The following E2F5 variants were observed in gnomAD, a reference collection of about 807,000 sequenced individuals.
E2F5 encodes E2F transcription factor 5.
In E2F5, 23 loss-of-function variants were observed where a neutral mutation model predicts 39.1. That is an observed-to-expected ratio of 0.59 (90% confidence interval 0.42 to 0.83). The LOEUF (loss-of-function observed/expected upper bound fraction) is 0.83. E2F5 is among the 40% of genes least tolerant of loss of function. The pLI is 0.00. For missense variants in E2F5, 365 were observed against 406.7 expected, an observed-to-expected ratio of 0.90 and a Z score of 0.88; for synonymous variants, 145 against 157.8, an observed-to-expected ratio of 0.92 and a Z score of 0.61.
intron 1 of E2F5, 69 bp downstream of exon 1, chr8:85,177,723 G>C: frequency 8.5e-7 from 1 of 1,183,134 alleles, no homozygotes; most frequent in Non-Finnish European, 1.0e-6. Context: ...CCAGCCCCTC[G>C]CCGCGTGGGT....
chr8:85,213,542 TAA>T (rs536955367), intron 7 of E2F5: 724 of 121,140 alleles, frequency 6.0e-3, no homozygotes, highest in South Asian at 0.021. Flanking sequence ...GACTCCATCT[TAA>T]AAAAAAAAAA....
intron 1 of E2F5, among the ~76,000 whole-genome samples, chr8:85,190,118 C>T (rs1050698821): frequency 2.0e-5 from 3 of 152,202 alleles, no homozygotes; most frequent in African/African-American, 7.2e-5. Context: ...CGTCTATGCA[C>T]TCCCTCTTAG....
In E2F5 at chr8:85,206,186, T is replaced by C. The variant is rs1166103808; in HGVS notation, c.516T>C (p.Tyr172=). Reference sequence around the variant, plus strand: ...ACTCCTATGACAGTACATTTTCCTATGTAACTCATGAAGACATCTGTAATT... The same window carrying C: ...ACTCCTATGACAGTACATTTTCCTACGTAACTCATGAAGACATCTGTAATT... ...MDDSINNRFS[Y]VTHEDICNCF... Residue 172 remains tyrosine, a synonymous_variant, in exon 4 of 8, where the codon TAT becomes TAC. Coordinates refer to ENST00000416274, the MANE Select transcript of E2F5 (RefSeq NM_001951.4). The C allele has an allele frequency of 6.2e-7, 1 of 1,613,216 alleles. No individual in the cohort carries two copies. The highest frequency in any genetic ancestry group is 1.3e-5 in the African/African-American group (1 of 74,916).
intron 1 of E2F5, among the ~76,000 whole-genome samples, chr8:85,180,506 CTATACATATATA>C (rs1812182437): frequency 4.8e-5 from 3 of 62,474 alleles, no homozygotes; most frequent in African/African-American, 1.9e-4. Flanking sequence ...GTTAAAGAAA[CTATACATATATA>C]TATATATATA....
chr8:85,177,635 G>A lies in E2F5; in HGVS notation c.215G>A (p.Gly72Asp). Residue 72 changes from glycine to aspartate, a missense_variant, in exon 1 of 8, where the codon GGC becomes GAC. Gly to Asp is a moderately conservative substitution (Grantham distance 94). Coordinates refer to ENST00000416274, the MANE Select transcript of E2F5 (RefSeq NM_001951.4). ...TCGCTGCTGCAGGAGGCCAAGGACG[G>A]CGTTCTGGATCTCAAAGCGGTGAGC... The part of the protein sequence containing the change: ...FVSLLQEAKD[G>D]VLDLKAAADT... 1 of 1,295,316 alleles carries A rather than the reference G, an allele frequency of 7.7e-7. No individual in the cohort carries two copies. 80.2% of individuals were successfully genotyped at this position (1,295,316 alleles called of 1,614,324 possible).
rs963970509 is a variant in E2F5 at position 85,177,221 on chromosome 8, G to T, written c.-200G>T. Reference sequence around the variant, plus strand: ...ATTCACGCTTCCCCGGGCTTGGGGAGGGGGCGGAGGCCCGGCGTGACAAGC... The same window carrying T: ...ATTCACGCTTCCCCGGGCTTGGGGATGGGGCGGAGGCCCGGCGTGACAAGC... On this transcript the variant is annotated 5_prime_UTR_variant, in exon 1 of 8. In the 5' UTR this introduces an upstream ATG that the reference lacks. Transcript: ENST00000416274. 1.2e-5 allele frequency: 3 copies of T among 256,932 alleles called. No homozygotes were observed. In the South Asian group the frequency reaches 4.4e-4, roughly 38 times the overall value. 15.9% of individuals were successfully genotyped at this position (256,932 alleles called of 1,614,324 possible).
intron 1 of E2F5, among the ~76,000 whole-genome samples, chr8:85,193,901 G>A (rs959875980): frequency 6.6e-6 from 1 of 151,988 alleles, no homozygotes; most frequent in Non-Finnish European, 1.5e-5. Context: ...GTATAGTTTT[G>A]GTTGTTATGA....
intron 7 of E2F5, chr8:85,212,667 T>C (rs890061067): frequency 6.5e-6 from 1 of 152,674 alleles, no homozygotes; most frequent in Admixed American, 6.5e-5. Flanking sequence ...TGCTAATTAC[T>C]TTAATAATTT....
chr8:85,214,433 ATC>A lies in E2F5; in HGVS notation c.*573_*574del. 1.4e-6 allele frequency: 1 copy of A among 700,208 alleles called. No individual in the cohort carries two copies. The highest frequency in any genetic ancestry group is 2.5e-6 in the Non-Finnish European group (1 of 394,994). 43.4% of individuals were successfully genotyped at this position (700,208 alleles called of 1,614,324 possible). ...TCCACTTTCCTAGGTTATAGGAAAG[ATC>A]TGTTTATGTAGTTTGTTTTTAAAAT... On this transcript the variant is annotated 3_prime_UTR_variant, in exon 8 of 8. Transcript: ENST00000416274.
At chr8:85,192,685 G>A (rs1390065927) in intron 1 of E2F5, among the ~76,000 whole-genome samples, 3 of 152,206 alleles carry the variant, frequency 2.0e-5, no homozygotes, top group Admixed American at 2.0e-4. Flanking sequence ...TTATACTAAA[G>A]AATTACTGGA....
chr8:85,191,321 C>T (rs935212602), intron 1 of E2F5, among the ~76,000 whole-genome samples: 9 of 152,042 alleles, frequency 5.9e-5, no homozygotes, highest in Non-Finnish European at 1.2e-4. Context: ...TACAAAATTT[C>T]AGTTAGACAA....
At chr8:85,180,128 C>T (rs893196996) in intron 1 of E2F5, among the ~76,000 whole-genome samples, 1 of 151,982 alleles carries the variant, frequency 6.6e-6, no homozygotes, top group South Asian at 2.1e-4. Flanking sequence ...TCAAGCGATT[C>T]TCCTGCCTCA....
intron 1 of E2F5, among the ~76,000 whole-genome samples, chr8:85,192,217 G>A (rs1040392746): frequency 1.3e-5 from 2 of 152,150 alleles, no homozygotes; most frequent in Admixed American, 6.5e-5. Context: ...AGATAGTGGT[G>A]ATTTTCACTT....
intron 6 of E2F5, among the ~76,000 whole-genome samples, chr8:85,211,640 G>GTTTT (rs1563984332): frequency 8.6e-5 from 7 of 81,058 alleles, no homozygotes; most frequent in African/African-American, 4.4e-4. Context: ...GAGGTTTGTT[G>GTTTT]TTGTTTTTTT....
intron 1 of E2F5, among the ~76,000 whole-genome samples, chr8:85,196,642 A>C (rs919427427): frequency 2.0e-5 from 3 of 152,216 alleles, no homozygotes; most frequent in African/African-American, 7.2e-5. Flanking sequence ...TTTACCACAA[A>C]TGTATTTATG....
Position 85,214,084 on chromosome 8 carries a change from C to A in E2F5, c.*222C>A. 1.7e-6 allele frequency: 1 copy of A among 591,352 alleles called. No homozygotes were observed. Among genetic ancestry groups the A allele is most frequent in the Non-Finnish European group, 3.1e-6 (1 of 324,654 alleles). The allele number at this position is 591,352 out of a possible 1,614,324, so 36.6% of individuals were successfully genotyped here. A position where few individuals can be genotyped will look rare whatever the true frequency, so the allele number is the denominator to read the frequency against. On this transcript the variant is annotated 3_prime_UTR_variant, in exon 8 of 8. Transcript: ENST00000416274. Reference sequence around the variant, plus strand: ...AGTGATTTAATATCCACAAACGTCCCCACTCCCAAAAGTAACTATATTCTG... The same window carrying A: ...AGTGATTTAATATCCACAAACGTCCACACTCCCAAAAGTAACTATATTCTG...
intron 1 of E2F5, among the ~76,000 whole-genome samples, chr8:85,181,949 G>A (rs1812226561): frequency 8.3e-6 from 1 of 121,042 alleles, no homozygotes; most frequent in African/African-American, 3.2e-5. Flanking sequence ...CGACAAGAGC[G>A]AAACTGTGTC....
At chr8:85,179,477 C>T (rs916198997) in intron 1 of E2F5, among the ~76,000 whole-genome samples, 3 of 152,106 alleles carry the variant, frequency 2.0e-5, no homozygotes, top group African/African-American at 4.8e-5. Context: ...TTTATTCATT[C>T]TGGAACTCTC....
intron 6 of E2F5, among the ~76,000 whole-genome samples, chr8:85,211,505 G>C (rs1015759598): frequency 3.9e-5 from 6 of 152,114 alleles, no homozygotes; most frequent in Admixed American, 3.9e-4. Flanking sequence ...AATAACATTT[G>C]ATGTGTGAGA....
Sources: allele counts gnomAD v4.1 joint callset (sites outside exome capture counted in the v4.1 genomes callset), GRCh38; gene constraint gnomAD v4.1.1; transcripts MANE v1.5; gene names NCBI Gene and HGNC (gene_info 2026-07-23, HGNC 2026-07-21).